Variants in TASP1 observed in about 807,000 individuals in gnomAD.
TASP1 encodes taspase 1.
In TASP1, 16 loss-of-function variants were observed where a neutral mutation model predicts 56.6. That is an observed-to-expected ratio of 0.28 (90% CI 0.19 to 0.43). The LOEUF (loss-of-function observed/expected upper bound fraction) is 0.43. Ranked by LOEUF, TASP1 falls within the 20% of genes least tolerant of loss-of-function variation. TASP1 has a pLI of 1.00. For synonymous variants in TASP1, 179 were observed against 184.2 expected (o/e 0.97, Z 0.23); for missense variants, 393 against 511.6 (o/e 0.77, Z 2.24).
the TASP1 span, among the ~76,000 whole-genome samples, chr20:13,134,939 A>G: frequency 6.6e-6 from 1 of 152,154 alleles, no homozygotes; most frequent in Admixed American, 6.5e-5. Context: ...CCCCATGACC[A>G]CTTTGGCATC....
At chr20:13,247,899 A>C in the TASP1 span, among the ~76,000 whole-genome samples, 1 of 152,182 alleles carries the variant, frequency 6.6e-6, no homozygotes, top group African/African-American at 2.4e-5. Context: ...CTCTAACCAC[A>C]GTGCAAAAGT....
the TASP1 span, among the ~76,000 whole-genome samples, chr20:13,129,785 C>G: frequency 1.3e-5 from 2 of 152,194 alleles, no homozygotes; most frequent in Non-Finnish European, 2.9e-5. Context: ...AGCATTTGCT[C>G]CTCAGTAATC....
the TASP1 span, among the ~76,000 whole-genome samples, chr20:13,194,098 T>C: frequency 6.6e-6 from 1 of 152,346 alleles, no homozygotes; most frequent in Middle Eastern, 3.4e-3. Flanking sequence ...TGTCCAGCTA[T>C]CATTAGTTTT....
chr20:13,314,658 A>C, the TASP1 span, among the ~76,000 whole-genome samples: 1 of 152,140 alleles, frequency 6.6e-6, no homozygotes, highest in Non-Finnish European at 1.5e-5. Context: ...GAAAATGATA[A>C]AGGTCAGAAA....
intron 13 of TASP1, chr20:13,392,642 G>A (rs2041334108): frequency 2.4e-6 from 1 of 416,432 alleles, no homozygotes. Context: ...TCAAGAGACA[G>A]CCGCATCTTC....
the TASP1 span, among the ~76,000 whole-genome samples, chr20:13,174,699 GAA>G: frequency 3.6e-4 from 46 of 129,188 alleles, 1 homozygote; most frequent in South Asian, 2.3e-3. Context: ...ACCTTGTCAC[GAA>G]AAAAAAAAAA....
intron 11 of TASP1, among the ~76,000 whole-genome samples, chr20:13,458,448 A>T (rs905154144): frequency 6.6e-6 from 1 of 152,026 alleles, no homozygotes; most frequent in Admixed American, 6.6e-5. Flanking sequence ...TCTGGGTTCA[A>T]ATGATTCTCC....
chr20:13,294,858 A>G, the TASP1 span, among the ~76,000 whole-genome samples: 1,556 of 152,304 alleles, frequency 0.01, 26 homozygotes, highest in African/African-American at 0.035. Flanking sequence ...ACAGATGAGA[A>G]AACTGAAGCA....
At chr20:13,234,111 A>G in the TASP1 span, among the ~76,000 whole-genome samples, 1 of 152,088 alleles carries the variant, frequency 6.6e-6, no homozygotes. Flanking sequence ...TTCAGCCCTC[A>G]TCCCCTCCAC....
intron 13 of TASP1, 98 bp from the exon 14 acceptor site, chr20:13,390,550 C>G: frequency 7.1e-6 from 7 of 988,204 alleles, no homozygotes; most frequent in Non-Finnish European, 1.1e-5. Context: ...AACACCAGAG[C>G]ATTAGGCCTT....
the TASP1 span, among the ~76,000 whole-genome samples, chr20:13,264,854 T>TGGG: frequency 6.6e-6 from 1 of 152,152 alleles, no homozygotes; most frequent in African/African-American, 2.4e-5. Flanking sequence ...AGCAGAGCTT[T>TGGG]CCCAAGGGCA....
chr20:13,267,395 C>A, the TASP1 span, among the ~76,000 whole-genome samples: 1 of 152,232 alleles, frequency 6.6e-6, no homozygotes, highest in African/African-American at 2.4e-5. Context: ...AGTTGTCTGA[C>A]TATTCCCGGC....
At chr20:13,531,791 A>G (rs916221890) in intron 9 of TASP1, among the ~76,000 whole-genome samples, 5 of 152,078 alleles carry the variant, frequency 3.3e-5, no homozygotes, top group East Asian at 1.9e-4. Flanking sequence ...ATCCCCCCCA[A>G]CTGGCTGGGA....
intron 12 of TASP1, 91 bp from the exon 13 acceptor site, chr20:13,417,612 A>G: frequency 7.3e-7 from 1 of 1,363,494 alleles, no homozygotes; most frequent in Admixed American, 2.1e-5. Context: ...AGATAGCTTT[A>G]TATTTAACAC....
the TASP1 span, among the ~76,000 whole-genome samples, chr20:13,340,069 A>G: frequency 2.0e-5 from 3 of 152,070 alleles, no homozygotes; most frequent in Non-Finnish European, 4.4e-5. Context: ...GGCCAATACT[A>G]TCCAGCCTCC....
At chr20:13,342,926 G>GA in the TASP1 span, among the ~76,000 whole-genome samples, 4 of 152,218 alleles carry the variant, frequency 2.6e-5, no homozygotes, top group East Asian at 7.7e-4. Flanking sequence ...AGAAACAAGA[G>GA]ATCGTGACTG....
chr20:13,574,419 A>C (rs1019547850), intron 6 of TASP1, among the ~76,000 whole-genome samples: 1 of 152,238 alleles, frequency 6.6e-6, no homozygotes, highest in Non-Finnish European at 1.5e-5. Flanking sequence ...TAAAACTCAC[A>C]ATGTCTGAAA....
At chr20:13,249,709 A>G in the TASP1 span, among the ~76,000 whole-genome samples, 56 of 152,320 alleles carry the variant, frequency 3.7e-4, 1 homozygote, top group African/African-American at 1.3e-3. Flanking sequence ...GCCTTTCGGA[A>G]CACACAATGG....
intron 5 of TASP1, among the ~76,000 whole-genome samples, chr20:13,581,663 G>T (rs2147217971): frequency 6.6e-6 from 1 of 152,276 alleles, no homozygotes; most frequent in African/African-American, 2.4e-5. Context: ...AGTTTTGAGT[G>T]TGATAAACAC....
Sources: allele counts gnomAD v4.1 joint callset (sites outside exome capture counted in the v4.1 genomes callset), GRCh38; gene constraint gnomAD v4.1.1; transcripts MANE v1.5; gene names NCBI Gene and HGNC (gene_info 2026-07-23, HGNC 2026-07-21).